FBXW7: variants seen among roughly 807,000 people sequenced by gnomAD.
FBXW7 encodes the protein F-box/WD repeat-containing protein 7.
In FBXW7, 11 loss-of-function variants were observed where a neutral mutation model predicts 86.3. The observed-to-expected ratio is 0.13, with a 90% CI of 0.08 to 0.21. The LOEUF is 0.21. Ranked by LOEUF, FBXW7 falls within the 10% of genes least tolerant of loss-of-function variation. FBXW7 has a pLI of 1.00. For synonymous variants in FBXW7, 313 were observed against 297.9 expected (o/e 1.05, Z -0.52); for missense variants, 488 against 847.4 (o/e 0.58, Z 5.27).
intron 2 of FBXW7, among the ~76,000 whole-genome samples, chr4:152,428,958 G>A (rs1294015649): frequency 6.6e-6 from 1 of 152,212 alleles, no homozygotes; most frequent in Non-Finnish European, 1.5e-5. Context: ...GGGAGGCCAA[G>A]GCGGGTGGAT....
chr4:152,399,235 A>G (rs1736701551), intron 4 of FBXW7, among the ~76,000 whole-genome samples: 1 of 152,210 alleles, frequency 6.6e-6, no homozygotes, highest in Admixed American at 6.5e-5. Context: ...ACAACCTTCA[A>G]AGTACCACAG....
At chr4:152,521,085 C>T (rs1195815778) in intron 2 of FBXW7, among the ~76,000 whole-genome samples, 1 of 152,106 alleles carries the variant, frequency 6.6e-6, no homozygotes, top group Non-Finnish European at 1.5e-5. Context: ...TGTTAACATA[C>T]TATATGTCTA....
At chr4:152,369,296 T>C (rs1733781341) in intron 4 of FBXW7, among the ~76,000 whole-genome samples, 1 of 152,078 alleles carries the variant, frequency 6.6e-6, no homozygotes, top group South Asian at 2.1e-4. Flanking sequence ...TCTTCACAGA[T>C]AAGGCTTAGT....
At chr4:152,523,807 A>C (rs1579430250) in intron 2 of FBXW7, among the ~76,000 whole-genome samples, 1 of 152,198 alleles carries the variant, frequency 6.6e-6, no homozygotes, top group East Asian at 1.9e-4. Context: ...TGAGTGACAC[A>C]TCATCTATTT....
At chr4:152,352,220 A>C (rs973364871) in intron 4 of FBXW7, among the ~76,000 whole-genome samples, 1 of 152,208 alleles carries the variant, frequency 6.6e-6, no homozygotes, top group Non-Finnish European at 1.5e-5. Flanking sequence ...CCACATTTCT[A>C]AAGTCTCAAT....
intron 2 of FBXW7, among the ~76,000 whole-genome samples, chr4:152,486,282 C>T (rs1329343328): frequency 4.6e-5 from 7 of 152,144 alleles, no homozygotes; most frequent in Non-Finnish European, 1.0e-4. Flanking sequence ...ACTCAAACCA[C>T]ACTACATCTA....
At chr4:152,370,342 T>C (rs916892582) in intron 4 of FBXW7, among the ~76,000 whole-genome samples, 2 of 151,974 alleles carry the variant, frequency 1.3e-5, no homozygotes, top group South Asian at 2.1e-4. Context: ...GATTTTCCCA[T>C]CATTATATGA....
chr4:152,345,005 A>G (rs1731114980), intron 6 of FBXW7, among the ~76,000 whole-genome samples: 2 of 152,192 alleles, frequency 1.3e-5, no homozygotes, highest in African/African-American at 4.8e-5. Flanking sequence ...CAGTGAAATC[A>G]TGTGATATGA....
At chr4:152,432,183 G>C (rs1739956662) in intron 2 of FBXW7, among the ~76,000 whole-genome samples, 1 of 152,120 alleles carries the variant, frequency 6.6e-6, no homozygotes, top group Non-Finnish European at 1.5e-5. Flanking sequence ...TGCTGACTTG[G>C]AATACCAAGA....
intron 4 of FBXW7, among the ~76,000 whole-genome samples, chr4:152,350,915 A>C (rs1307240494): frequency 6.6e-6 from 1 of 152,034 alleles, no homozygotes; most frequent in East Asian, 1.9e-4. Context: ...ATGCCATGTT[A>C]TACTATAAAT....
At chr4:152,403,115 T>C (rs1056418178) in intron 4 of FBXW7, among the ~76,000 whole-genome samples, 1 of 151,768 alleles carries the variant, frequency 6.6e-6, no homozygotes, top group African/African-American at 2.4e-5. Context: ...AAATGGGGAG[T>C]TGGGAATACG....
At chr4:152,364,417 C>T (rs1050917575) in intron 4 of FBXW7, among the ~76,000 whole-genome samples, 2 of 152,158 alleles carry the variant, frequency 1.3e-5, no homozygotes, top group Middle Eastern at 3.4e-3. Flanking sequence ...TTCCTCCTTA[C>T]CAAAATGATT....
intron 6 of FBXW7, among the ~76,000 whole-genome samples, chr4:152,344,347 T>C (rs1412106085): frequency 6.6e-6 from 1 of 152,154 alleles, no homozygotes; most frequent in East Asian, 1.9e-4. Flanking sequence ...CCTGTCCAGT[T>C]GACCTTTTGT....
chr4:152,339,402 T>C (rs527669666), intron 6 of FBXW7, among the ~76,000 whole-genome samples: 1 of 152,354 alleles, frequency 6.6e-6, no homozygotes, highest in South Asian at 2.1e-4. Context: ...TTCTCTCACA[T>C]AACTTCAAAC....
At chr4:152,341,033 A>G (rs1324520403) in intron 6 of FBXW7, among the ~76,000 whole-genome samples, 1 of 152,172 alleles carries the variant, frequency 6.6e-6, no homozygotes, top group East Asian at 1.9e-4. Flanking sequence ...GACTATTACT[A>G]CACTGGATTG....
intron 4 of FBXW7, among the ~76,000 whole-genome samples, chr4:152,377,862 G>C (rs1220268337): frequency 1.3e-5 from 2 of 151,784 alleles, no homozygotes; most frequent in African/African-American, 4.8e-5. Context: ...GAAAGTAATG[G>C]CTTAAAGCTC....
At chr4:152,387,036 A>C (rs1735583253) in intron 4 of FBXW7, among the ~76,000 whole-genome samples, 1 of 152,216 alleles carries the variant, frequency 6.6e-6, no homozygotes, top group African/African-American at 2.4e-5. Context: ...AAGCCACAGC[A>C]TATGAGCAGC....
chr4:152,489,611 G>A (rs1160973579), intron 2 of FBXW7, among the ~76,000 whole-genome samples: 4 of 152,048 alleles, frequency 2.6e-5, no homozygotes, highest in African/African-American at 9.7e-5. Flanking sequence ...GAAAATATCA[G>A]TTTCCAGGAA....
At position 152,485,425 on chromosome 4, in the gene FBXW7, T is replaced by C. The variant is rs182693764; in HGVS notation, c.-120+49516A>G. On this transcript the variant is annotated intron_variant, in intron 2 of 13. Coordinates refer to ENST00000281708, the MANE Select transcript of FBXW7 (RefSeq NM_001349798.2). ...ATTATTATTAGTAGTGGTATTGCTA[T>C]AGTAATTCCAATGTTATATCATGTA... Among the ~76,000 whole-genome samples the C allele has an allele frequency of 6.3e-4, 96 of 152,298 alleles. 1 individual carries two copies. The highest frequency in any genetic ancestry group is 2.2e-3 in the African/African-American group (93 of 41,562).
Sources: gnomAD v4.1 joint callset for allele counts (sites outside exome capture counted in the v4.1 genomes callset) on GRCh38, gnomAD v4.1.1 for gene constraint, MANE v1.5 for transcripts, NCBI Gene and HGNC (gene_info 2026-07-23, HGNC 2026-07-21) for gene names.